Variants in MAMDC2 observed in about 807,000 individuals in gnomAD.
The protein encoded by MAMDC2 is MAM domain-containing protein 2.
MAMDC2 carries 57 observed loss-of-function variants against 89.8 expected under a neutral mutation model. That is an observed-to-expected ratio of 0.63 (90% CI 0.51 to 0.79). The LOEUF (loss-of-function observed/expected upper bound fraction) is 0.79, where lower values mean the gene tolerates loss of function less well. Among genes scored for constraint, MAMDC2 ranks in the 30% least tolerant of loss-of-function variants. The pLI is 0.00. For synonymous variants in MAMDC2, 313 were observed against 293.4 expected, an observed-to-expected ratio of 1.07 and a Z score of -0.68; for missense variants, 800 against 820.6, an observed-to-expected ratio of 0.97 and a Z score of 0.31.
At chr9:70,138,616 C>T (rs146771269) in intron 7 of MAMDC2, among the ~76,000 whole-genome samples, 6 of 152,188 alleles carry the variant, frequency 3.9e-5, no homozygotes, top group Admixed American at 1.3e-4. Context: ...AAGATGATAT[C>T]GTGTAGTTTT....
intron 11 of MAMDC2, among the ~76,000 whole-genome samples, chr9:70,186,942 A>T (rs1175454250): frequency 6.6e-6 from 1 of 152,194 alleles, no homozygotes; most frequent in African/African-American, 2.4e-5. Flanking sequence ...GCCATTCATG[A>T]GGGATCCACT....
chr9:70,061,801 T>C (rs2975915), intron 2 of MAMDC2, among the ~76,000 whole-genome samples: 53,998 of 152,020 alleles, frequency 0.36, 10,850 homozygotes, highest in African/African-American at 0.55. Context: ...GAAAACTTGT[T>C]GAATGTATAG....
At chr9:70,121,892 C>T (rs1428301507) in intron 5 of MAMDC2, among the ~76,000 whole-genome samples, 2 of 152,144 alleles carry the variant, frequency 1.3e-5, no homozygotes, top group South Asian at 2.1e-4. Context: ...AATACAATGG[C>T]ACCTGCAGCC....
chr9:70,131,628 T>C lies in MAMDC2; in HGVS notation c.994+16T>C, dbSNP rs1163351567. 6.4e-7 allele frequency: 1 copy of C among 1,570,764 alleles called. No individual in the cohort carries two copies. Among genetic ancestry groups the C allele is most frequent in the Non-Finnish European group, 8.7e-7 (1 of 1,148,590 alleles). On this transcript the variant is annotated intron_variant, in intron 7 of 13. Coordinates refer to ENST00000377182, the MANE Select transcript of MAMDC2 (RefSeq NM_153267.5). ...AATCAGACAGGTGAGCATTCTCTAT[T>C]TGTCATTGCATTTTGGGATGTTCCT...
chr9:70,113,050 T>C lies in MAMDC2; in HGVS notation c.561T>C (p.Asn187=). 1.9e-6 allele frequency: 3 copies of C among 1,614,164 alleles called. No homozygotes were observed. Among genetic ancestry groups the C allele is most frequent in the Middle Eastern group, 1.6e-4 (1 of 6,062 alleles). ...LCGFVNRWNP[N]VNWFVGGGSI... ...GCTTTGTGAACCGCTGGAATCCCAA[T>C]GTGAACTGGTTTGTTGGAGGAGGAA... The change falls in exon 5 of 14, where the codon AAT becomes AAC. Residue 187 remains asparagine, a synonymous_variant. Transcript: ENST00000377182.
In MAMDC2 at chr9:70,141,848, A is replaced by G. The variant is rs73647415; in HGVS notation, c.1138+1560A>G. Among the ~76,000 whole-genome samples the G allele has an allele frequency of 5.2e-3, 787 of 152,280 alleles. 5 individuals carry two copies. The highest frequency in any genetic ancestry group is 0.018 in the African/African-American group (753 of 41,558). On this transcript the variant is annotated intron_variant, in intron 8 of 13. Transcript: ENST00000377182. ...AACAATGGAAGATGAGGGTTATGTTAGTAGGTTTGTTTGTACAGATCCATT... is the reference window on the plus strand; with the variant it reads ...AACAATGGAAGATGAGGGTTATGTTGGTAGGTTTGTTTGTACAGATCCATT...
chr9:70,187,174 CCCTG>C (rs2032774999), intron 11 of MAMDC2, among the ~76,000 whole-genome samples: 1 of 151,902 alleles, frequency 6.6e-6, no homozygotes, highest in Non-Finnish European at 1.5e-5. Flanking sequence ...CAAATATTGC[CCCTG>C]CCTAACTGTC....
intron 7 of MAMDC2, among the ~76,000 whole-genome samples, chr9:70,139,754 C>T (rs1468158020): frequency 6.6e-6 from 1 of 152,138 alleles, no homozygotes; most frequent in East Asian, 1.9e-4. Context: ...AAAAGTGTTC[C>T]TGTTTCTCCA....
intron 5 of MAMDC2, among the ~76,000 whole-genome samples, chr9:70,116,519 G>T (rs866156751): frequency 1.7e-4 from 26 of 152,170 alleles, no homozygotes; most frequent in South Asian, 8.3e-4. Flanking sequence ...TGATGCATCT[G>T]CAAATGAGCA....
intron 2 of MAMDC2, among the ~76,000 whole-genome samples, chr9:70,054,655 A>T (rs1426960235): frequency 6.6e-6 from 1 of 152,032 alleles, no homozygotes; most frequent in Non-Finnish European, 1.5e-5. Flanking sequence ...AGGGACCAGC[A>T]AAGAAAGAAG....
At chr9:70,159,230 C>A (rs1375476140) in intron 9 of MAMDC2, among the ~76,000 whole-genome samples, 1 of 152,054 alleles carries the variant, frequency 6.6e-6, no homozygotes, top group African/African-American at 2.4e-5. Context: ...TATTACATAA[C>A]AATTCTACAT....
At chr9:70,047,408 T>C (rs1292747881) in intron 2 of MAMDC2, among the ~76,000 whole-genome samples, 1 of 152,046 alleles carries the variant, frequency 6.6e-6, no homozygotes, top group Non-Finnish European at 1.5e-5. Context: ...TGTGTCCGTG[T>C]GTTCTCATTG....
At chr9:70,212,440 T>C (rs1418318457) in intron 11 of MAMDC2, among the ~76,000 whole-genome samples, 2 of 152,220 alleles carry the variant, frequency 1.3e-5, no homozygotes, top group Non-Finnish European at 2.9e-5. Flanking sequence ...GCACGGGATA[T>C]AATCTCCTGG....
intron 11 of MAMDC2, among the ~76,000 whole-genome samples, chr9:70,200,644 G>A (rs1312141539): frequency 1.2e-4 from 17 of 140,060 alleles, no homozygotes; most frequent in Non-Finnish European, 1.5e-4. Context: ...ACCTTGGGCA[G>A]TATGGCCATT....
intron 2 of MAMDC2, chr9:70,083,693 T>C (rs1198145110): frequency 9.4e-6 from 1 of 106,116 alleles, no homozygotes; most frequent in Non-Finnish European, 2.2e-5. Flanking sequence ...TTCCTTTCTT[T>C]CTTTCTTTTT....
Position 70,126,290 on chromosome 9 carries a change from AATGTCTTT to A in MAMDC2, c.776_783del (p.Asn259IlefsTer43). On this transcript the variant is annotated frameshift_variant, in exon 6 of 14. Transcript: ENST00000377182. LOFTEE classifies it high-confidence loss of function. The stretch of plus-strand genomic sequence containing the variant: ...TTACCAGATCCAGCAGGGGAATGAC[AATGTCTTT>A]TCCCTTTACACTCGGGATGTGGCTG... The A allele has an allele frequency of 6.2e-7, 1 of 1,614,112 alleles. No homozygotes were observed. The highest frequency in any genetic ancestry group is 8.5e-7 in the Non-Finnish European group (1 of 1,180,016).
At chr9:70,210,469 T>C (rs1178922721) in intron 11 of MAMDC2, among the ~76,000 whole-genome samples, 1 of 152,196 alleles carries the variant, frequency 6.6e-6, no homozygotes, top group African/African-American at 2.4e-5. Context: ...GCCTTTTTCT[T>C]GTTTTCCATT....
intron 2 of MAMDC2, among the ~76,000 whole-genome samples, chr9:70,047,370 A>T (rs1826778763): frequency 6.6e-6 from 1 of 151,540 alleles, no homozygotes; most frequent in African/African-American, 2.4e-5. Context: ...CACCCCCAAC[A>T]GGCCCCGGTG....
intron 5 of MAMDC2, among the ~76,000 whole-genome samples, chr9:70,117,226 T>C (rs1435078429): frequency 6.6e-6 from 1 of 152,140 alleles, no homozygotes; most frequent in African/African-American, 2.4e-5. Context: ...CATACCCTGG[T>C]GACATAAAAA....
Sources: allele counts gnomAD v4.1 joint callset (sites outside exome capture counted in the v4.1 genomes callset), GRCh38; gene constraint gnomAD v4.1.1; transcripts MANE v1.5; gene names NCBI Gene and HGNC (gene_info 2026-07-23, HGNC 2026-07-21).